The following FOXO1 variants were observed in gnomAD, a reference collection of about 807,000 sequenced individuals.
The protein encoded by FOXO1 is forkhead box O1.
A neutral mutation model predicts 44.1 loss-of-function variants in FOXO1; 6 were observed. The observed-to-expected ratio is 0.14, with a 90% CI of 0.07 to 0.27. FOXO1 has a LOEUF of 0.27. Among genes scored for constraint, FOXO1 ranks in the 10% least tolerant of loss-of-function variants. FOXO1 has a pLI of 1.00. For missense variants in FOXO1, 737 were observed against 888.8 expected, an observed-to-expected ratio of 0.83 and a Z score of 2.17; for synonymous variants, 380 against 362.7, an observed-to-expected ratio of 1.05 and a Z score of -0.54.
chr13:40,576,316 A>C (rs1159142595), intron 1 of FOXO1, among the ~76,000 whole-genome samples: 2 of 152,186 alleles, frequency 1.3e-5, no homozygotes, highest in East Asian at 3.9e-4. Context: ...CAGGACAGCC[A>C]GTGGAAGATC....
chr13:40,633,819 GATAC>G (rs1877054486), intron 1 of FOXO1, among the ~76,000 whole-genome samples: 1 of 152,120 alleles, frequency 6.6e-6, no homozygotes. Context: ...CATACTAAAA[GATAC>G]ATAGTCACAG....
intron 1 of FOXO1, among the ~76,000 whole-genome samples, chr13:40,650,454 C>T (rs749640953): frequency 6.6e-6 from 1 of 152,138 alleles, no homozygotes; most frequent in Non-Finnish European, 1.5e-5. Context: ...CTGGTTCACA[C>T]GCCTCTTGAC....
At chr13:40,601,345 T>G (rs1875808351) in intron 1 of FOXO1, among the ~76,000 whole-genome samples, 1 of 152,222 alleles carries the variant, frequency 6.6e-6, no homozygotes, top group Non-Finnish European at 1.5e-5. Flanking sequence ...CATTATTCAC[T>G]GACTGAACTT....
chr13:40,592,697 C>G (rs1875429252), intron 1 of FOXO1, among the ~76,000 whole-genome samples: 1 of 152,192 alleles, frequency 6.6e-6, no homozygotes, highest in Non-Finnish European at 1.5e-5. Flanking sequence ...GGAAACCAGA[C>G]TTTTAATAAC....
chr13:40,659,683 GA>G (rs1247277052), intron 1 of FOXO1, among the ~76,000 whole-genome samples: 4 of 150,148 alleles, frequency 2.7e-5, no homozygotes, highest in African/African-American at 7.3e-5. Flanking sequence ...ATGGATGAAA[GA>G]AAAAAAAAGT....
At chr13:40,607,782 G>T (rs1037845593) in intron 1 of FOXO1, among the ~76,000 whole-genome samples, 1 of 152,236 alleles carries the variant, frequency 6.6e-6, no homozygotes, top group Admixed American at 6.5e-5. Flanking sequence ...CTACAGATAA[G>T]AAATCAAACC....
intron 1 of FOXO1, among the ~76,000 whole-genome samples, chr13:40,599,187 T>G: frequency 7.0e-6 from 1 of 143,174 alleles, no homozygotes; most frequent in Non-Finnish European, 1.5e-5. Context: ...GAACAAAACA[T>G]GGCAATAAAA....
At chr13:40,614,120 C>T (rs1013347259) in intron 1 of FOXO1, among the ~76,000 whole-genome samples, 10 of 152,212 alleles carry the variant, frequency 6.6e-5, no homozygotes, top group South Asian at 6.2e-4. Flanking sequence ...AATACAGAGA[C>T]AAATGTTGGA....
intron 1 of FOXO1, among the ~76,000 whole-genome samples, chr13:40,581,344 A>G (rs1874948145): frequency 6.6e-6 from 1 of 152,196 alleles, no homozygotes; most frequent in Non-Finnish European, 1.5e-5. Context: ...TTCATACAAT[A>G]GTACAAATTG....
chr13:40,637,469 G>C (rs1877200944), intron 1 of FOXO1, among the ~76,000 whole-genome samples: 1 of 138,016 alleles, frequency 7.2e-6, no homozygotes, highest in Non-Finnish European at 1.6e-5. Flanking sequence ...AAAAAAAAAA[G>C]GTTACAATAG....
rs527551438 is a variant in FOXO1, at chr13:40,558,963, G to C, written c.*86C>G. On this transcript the variant is annotated 3_prime_UTR_variant, in exon 3 of 3. Transcript: ENST00000379561. Reference sequence around the variant, plus strand: ...TAACCAAGAAAACTAAAAGGGAGTTGGTGAAAGACATCTTTGGACTGCTTC... The same window carrying C: ...TAACCAAGAAAACTAAAAGGGAGTTCGTGAAAGACATCTTTGGACTGCTTC... The C allele has an allele frequency of 2.5e-6, 1 of 396,370 alleles. No individual in the cohort carries two copies. The highest frequency in any genetic ancestry group is 4.4e-6 in the Non-Finnish European group (1 of 225,608). The allele number at this position is 396,370 out of a possible 1,614,324, so 24.6% of individuals were successfully genotyped here.
intron 1 of FOXO1, among the ~76,000 whole-genome samples, chr13:40,595,125 G>C (rs1415258231): frequency 1.3e-5 from 2 of 152,136 alleles, no homozygotes; most frequent in Non-Finnish European, 2.9e-5. Flanking sequence ...AACGTAAACA[G>C]AAAAAACTGA....
chr13:40,665,976 C>T lies in FOXO1; in HGVS notation c.237G>A (p.Glu79=), dbSNP rs1480728577. 2 of 1,237,044 alleles carry T rather than the reference C, an allele frequency of 1.6e-6. No homozygotes were observed. Among genetic ancestry groups the T allele is most frequent in the Non-Finnish European group, 2.0e-6 (2 of 993,174 alleles). 76.6% of individuals were successfully genotyped at this position (1,237,044 alleles called of 1,614,324 possible). The change falls in exon 1 of 3, where the codon GAG becomes GAA. Residue 79 remains glutamate, a synonymous_variant. Coordinates refer to ENST00000379561, the MANE Select transcript of FOXO1 (RefSeq NM_002015.4). The part of the protein sequence containing the change: ...DFMSNLSLLE[E]SEDFPQAPGS... ...CGGGCGCCTGCGGGAAGTCCTCGCT[C>T]TCCTCCAGCAAGCTCAGGTTGCTCA...
chr13:40,645,837 C>T (rs1424347283), intron 1 of FOXO1, among the ~76,000 whole-genome samples: 2 of 152,052 alleles, frequency 1.3e-5, no homozygotes, highest in Non-Finnish European at 2.9e-5. Context: ...AATCCCAGCA[C>T]TTTGGGAGGC....
intron 1 of FOXO1, among the ~76,000 whole-genome samples, chr13:40,583,277 G>A (rs1875025398): frequency 6.6e-6 from 1 of 152,200 alleles, no homozygotes; most frequent in Non-Finnish European, 1.5e-5. Flanking sequence ...AGATAGAGTT[G>A]ATTTAGCATA....
chr13:40,621,401 A>T (rs1052421870), intron 1 of FOXO1: 1 of 306,296 alleles, frequency 3.3e-6, no homozygotes, highest in Non-Finnish European at 6.1e-6. Context: ...TGAATGTTCA[A>T]GCATTGTTTT....
rs143915100 is a variant in FOXO1, at chr13:40,558,667, T to C, written c.*382A>G. ...ACTTTCCTTGGACCAATTGGATATT[T>C]AGAAAAACCAAAAACACACACAAAT... On this transcript the variant is annotated 3_prime_UTR_variant, in exon 3 of 3. Coordinates refer to ENST00000379561, the MANE Select transcript of FOXO1 (RefSeq NM_002015.4). 1.6e-3 allele frequency: 649 copies of C among 396,250 alleles called. No individual in the cohort carries two copies. The highest frequency in any genetic ancestry group is 0.011 in the Middle Eastern group (18 of 1,582). The allele number at this position is 396,250 out of a possible 1,614,324, so 24.5% of individuals were successfully genotyped here. A position where few individuals can be genotyped will look rare whatever the true frequency, so the allele number is the denominator to read the frequency against.
intron 1 of FOXO1, among the ~76,000 whole-genome samples, chr13:40,661,671 C>CG (rs1878041012): frequency 6.6e-6 from 1 of 152,132 alleles, no homozygotes; most frequent in Non-Finnish European, 1.5e-5. Flanking sequence ...TCTAACCACT[C>CG]GGTCTCACCA....
At chr13:40,579,259 C>T (rs1246605088) in intron 1 of FOXO1, among the ~76,000 whole-genome samples, 6 of 152,176 alleles carry the variant, frequency 3.9e-5, no homozygotes, top group Non-Finnish European at 8.8e-5. Flanking sequence ...CTAGGTAGCT[C>T]AGAAAGCCCA....
Sources: gnomAD v4.1 joint callset for allele counts (sites outside exome capture counted in the v4.1 genomes callset) on GRCh38, gnomAD v4.1.1 for gene constraint, MANE v1.5 for transcripts, NCBI Gene and HGNC (gene_info 2026-07-23, HGNC 2026-07-21) for gene names.